LCLAT1: variants seen among roughly 807,000 people sequenced by gnomAD.
The protein encoded by LCLAT1 is 1-AGP acyltransferase 8.
In LCLAT1, 11 loss-of-function variants were observed where a neutral mutation model predicts 30.7. The ratio of observed to expected loss-of-function variants is 0.36; its 90% CI spans 0.23 to 0.59. The LOEUF (loss-of-function observed/expected upper bound fraction) is 0.59, where lower values mean the gene tolerates loss of function less well. Ranked by LOEUF, LCLAT1 falls within the 20% of genes least tolerant of loss-of-function variation. The pLI is 0.77. For synonymous variants in LCLAT1, 155 were observed against 151.3 expected (o/e 1.02, Z -0.18); for missense variants, 402 against 458.6 (o/e 0.88, Z 1.13).
At chr2:30,575,572 G>A (rs1195718254) in intron 5 of LCLAT1, among the ~76,000 whole-genome samples, 1 of 152,078 alleles carries the variant, frequency 6.6e-6, no homozygotes, top group Non-Finnish European at 1.5e-5. Context: ...GGCCACCTGA[G>A]GCAGATGCAC....
chr2:30,480,942 A>C (rs967150381), intron 1 of LCLAT1, among the ~76,000 whole-genome samples: 1 of 152,224 alleles, frequency 6.6e-6, no homozygotes, highest in Non-Finnish European at 1.5e-5. Flanking sequence ...GAGAGCCATA[A>C]ACGAAGCACT....
Position 30,580,080 on chromosome 2 carries a change from A to G in LCLAT1, c.628+11904A>G, listed in dbSNP as rs149086605. ...GAGCGAGGTATTTACAGACTATATG[A>G]TGGCATATAGTAGGAAAAGACTGTG... On this transcript the variant is annotated intron_variant, in intron 5 of 5. Transcript: ENST00000379509. Among the ~76,000 whole-genome samples, 179 of 152,292 alleles carry G rather than the reference A, an allele frequency of 1.2e-3. 3 individuals carry two copies. The highest frequency in any genetic ancestry group is 2.5e-3 in the South Asian group (12 of 4,832).
Position 30,569,436 on chromosome 2 carries a change from A to G in LCLAT1, c.628+1260A>G, listed in dbSNP as rs181535337. ...TATAACAGTTCAAAGCCCACAGTCA[A>G]CTAACAGAAGTGTGTTTGCACATTT... On this transcript the variant is annotated intron_variant, in intron 5 of 5. Coordinates refer to ENST00000379509, the MANE Select transcript of LCLAT1 (RefSeq NM_001002257.3). Among the ~76,000 whole-genome samples the G allele has an allele frequency of 3.3e-5, 5 of 152,350 alleles. No individual in the cohort carries two copies. In the East Asian group the frequency reaches 7.7e-4, roughly 24 times the overall value.
intron 2 of LCLAT1, among the ~76,000 whole-genome samples, chr2:30,531,018 C>G (rs569997428): frequency 6.6e-6 from 1 of 152,142 alleles, no homozygotes; most frequent in South Asian, 2.1e-4. Flanking sequence ...GTAATCCCAG[C>G]ACTTTTGGAG....
At chr2:30,626,137 G>T (rs930146921) in intron 5 of LCLAT1, among the ~76,000 whole-genome samples, 1 of 152,100 alleles carries the variant, frequency 6.6e-6, no homozygotes, top group Non-Finnish European at 1.5e-5. Context: ...CCTAACATCA[G>T]AACATAGAAA....
intron 5 of LCLAT1, among the ~76,000 whole-genome samples, chr2:30,633,686 A>C (rs1338510662): frequency 1.3e-5 from 2 of 152,316 alleles, no homozygotes; most frequent in South Asian, 4.1e-4. Flanking sequence ...CTCCATCTCA[A>C]AATAAATAAA....
chr2:30,572,593 A>G (rs192324560), intron 5 of LCLAT1, among the ~76,000 whole-genome samples: 1 of 152,296 alleles, frequency 6.6e-6, no homozygotes, highest in Non-Finnish European at 1.5e-5. Flanking sequence ...ACAGGGTCAT[A>G]CTGCTGCTGA....
At chr2:30,627,040 G>A (rs2602798) in intron 5 of LCLAT1, among the ~76,000 whole-genome samples, 131,323 of 152,186 alleles carry the variant, frequency 0.86, 56,899 homozygotes, top group East Asian at 0.94. Context: ...CATGGTTACT[G>A]ATACCTTTAA....
At chr2:30,459,611 A>G (rs773667901) in intron 1 of LCLAT1, 4 of 1,604,542 alleles carry the variant, frequency 2.5e-6, no homozygotes, top group South Asian at 1.1e-5. Context: ...ATGATGTGAT[A>G]TATGCATTCC....
intron 5 of LCLAT1, among the ~76,000 whole-genome samples, chr2:30,596,489 TG>T (rs1362357079): frequency 3.3e-5 from 5 of 151,992 alleles, no homozygotes; most frequent in African/African-American, 4.8e-5. Context: ...TTAATGGGGT[TG>T]TTTTTTTTTT....
chr2:30,535,325 A>C (rs1686190410), intron 3 of LCLAT1, among the ~76,000 whole-genome samples: 2 of 152,336 alleles, frequency 1.3e-5, no homozygotes, highest in African/African-American at 4.8e-5. Flanking sequence ...TATGAAGAGT[A>C]CTAAGAGTGG....
intron 5 of LCLAT1, among the ~76,000 whole-genome samples, chr2:30,569,522 G>A (rs1169796902): frequency 2.6e-5 from 4 of 152,168 alleles, no homozygotes; most frequent in Admixed American, 6.5e-5. Flanking sequence ...TGTGACAAAT[G>A]TCACCTTCAT....
intron 5 of LCLAT1, among the ~76,000 whole-genome samples, chr2:30,581,452 C>T (rs1319079241): frequency 1.3e-5 from 2 of 152,174 alleles, no homozygotes; most frequent in African/African-American, 4.8e-5. Flanking sequence ...GACACCTGCA[C>T]TTCCATGTTA....
At chr2:30,575,834 T>C (rs917144700) in intron 5 of LCLAT1, among the ~76,000 whole-genome samples, 6 of 152,142 alleles carry the variant, frequency 3.9e-5, no homozygotes, top group Non-Finnish European at 8.8e-5. Context: ...AAACAGATAG[T>C]TATTGCAACC....
intron 5 of LCLAT1, among the ~76,000 whole-genome samples, chr2:30,625,908 T>A (rs986777881): frequency 7.2e-5 from 11 of 152,162 alleles, no homozygotes; most frequent in African/African-American, 2.7e-4. Context: ...AGAAAGATAA[T>A]TTCTCAAGGG....
At chr2:30,523,563 TATCAGTAGAAATTTA>T in intron 1 of LCLAT1, among the ~76,000 whole-genome samples, 2 of 152,336 alleles carry the variant, frequency 1.3e-5, no homozygotes, top group African/African-American at 4.8e-5. Flanking sequence ...TACTGTCAAG[TATCAGTAGAAATTTA>T]AAAATAGTCG....
At chr2:30,547,190 T>A (rs1664464549) in intron 3 of LCLAT1, among the ~76,000 whole-genome samples, 1 of 152,300 alleles carries the variant, frequency 6.6e-6, no homozygotes, top group East Asian at 1.9e-4. Flanking sequence ...CACCTGTGAC[T>A]CTTTCTTCAA....
chr2:30,470,004 T>G (rs1682693716), intron 1 of LCLAT1, among the ~76,000 whole-genome samples: 1 of 152,186 alleles, frequency 6.6e-6, no homozygotes, highest in Non-Finnish European at 1.5e-5. Context: ...GTGCTGGGAT[T>G]ACAGGCATGA....
chr2:30,564,471 ACT>A (rs71994518), intron 4 of LCLAT1, among the ~76,000 whole-genome samples: 19,305 of 151,444 alleles, frequency 0.13, 1,344 homozygotes, highest in South Asian at 0.23. Context: ...TAGGTGATGA[ACT>A]CTCCATCTAG....
Sources: gnomAD v4.1 joint callset for allele counts (sites outside exome capture counted in the v4.1 genomes callset) on GRCh38, gnomAD v4.1.1 for gene constraint, MANE v1.5 for transcripts, NCBI Gene and HGNC (gene_info 2026-07-23, HGNC 2026-07-21) for gene names.